The following TRPM3 variants were observed in gnomAD, a reference collection of about 807,000 sequenced individuals.
TRPM3 encodes the protein long transient receptor potential channel 3.
A neutral mutation model predicts 181.2 loss-of-function variants in TRPM3; 77 were observed. The ratio of observed to expected loss-of-function variants is 0.42; its 90% CI spans 0.35 to 0.51. TRPM3 has a LOEUF of 0.51. Ranked by LOEUF, TRPM3 falls within the 20% of genes least tolerant of loss-of-function variation. TRPM3 has a pLI of 0.01. For missense variants in TRPM3, 1,759 were observed against 2,196.7 expected, an observed-to-expected ratio of 0.80 and a Z score of 3.98; for synonymous variants, 745 against 796.4, an observed-to-expected ratio of 0.94 and a Z score of 1.09.
chr9:71,222,940 G>T (rs1212046456), intron 1 of TRPM3, among the ~76,000 whole-genome samples: 5 of 152,130 alleles, frequency 3.3e-5, no homozygotes, highest in Non-Finnish European at 7.4e-5. Flanking sequence ...GTGCTCTGGG[G>T]CTCCAAATAA....
chr9:70,579,955 C>G lies in TRPM3; in HGVS notation c.3223+11076G>C, dbSNP rs116093767. On this transcript the variant is annotated intron_variant, in intron 22 of 25. Transcript: ENST00000677713. ...ACGCATGCTGAGCCATCAGCTTCCA[C>G]GTCACCTGCCCCCATTTCAACGCCC... Among the ~76,000 whole-genome samples, 630 of 152,344 alleles carry G rather than the reference C, an allele frequency of 4.1e-3. 3 individuals carry two copies. Among genetic ancestry groups the G allele is most frequent in the African/African-American group, 0.014 (593 of 41,574 alleles).
chr9:71,267,062 T>C (rs113371235), intron 1 of TRPM3, among the ~76,000 whole-genome samples: 4 of 152,150 alleles, frequency 2.6e-5, no homozygotes, highest in African/African-American at 9.7e-5. Context: ...TAGTCATCTA[T>C]GGCAAATTCA....
intron 1 of TRPM3, among the ~76,000 whole-genome samples, chr9:70,945,007 T>C (rs2096919287): frequency 6.6e-6 from 1 of 152,204 alleles, no homozygotes; most frequent in South Asian, 2.1e-4. Context: ...AGTGCTGTCA[T>C]TCTTTGAGCC....
chr9:70,750,502 G>A (rs1437475492), intron 8 of TRPM3, among the ~76,000 whole-genome samples: 1 of 152,176 alleles, frequency 6.6e-6, no homozygotes. Context: ...TAGCTTGGAG[G>A]ACAGACAACA....
intron 1 of TRPM3, among the ~76,000 whole-genome samples, chr9:71,099,708 T>C (rs931896151): frequency 1.2e-4 from 18 of 152,192 alleles, no homozygotes; most frequent in African/African-American, 4.3e-4. Context: ...CTGAGATCCA[T>C]TCTATACTTG....
In TRPM3 at chr9:71,330,112, C is replaced by A. The variant is rs142600666; in HGVS notation, c.183+116541G>T. Among the ~76,000 whole-genome samples, 18 of 151,926 alleles carry A rather than the reference C, an allele frequency of 1.2e-4. No homozygotes were observed. In the South Asian group the frequency reaches 2.3e-3, roughly 19 times the overall value. On this transcript the variant is annotated intron_variant, in intron 1 of 24. Coordinates refer to the TRPM3 transcript ENST00000357533. The stretch of plus-strand genomic sequence containing the variant: ...CAGCATAGCACCCCAAAAATGTATT[C>A]CTTAGGCACAGTCCTGCTGTATCCT...
At chr9:70,593,901 G>A (rs2058552139) in intron 21 of TRPM3, among the ~76,000 whole-genome samples, 1 of 146,286 alleles carries the variant, frequency 6.8e-6, no homozygotes, top group Admixed American at 6.9e-5. Flanking sequence ...TATATAATAT[G>A]CATTGTATAA....
intron 1 of TRPM3, among the ~76,000 whole-genome samples, chr9:71,384,817 G>C (rs1001185557): frequency 1.3e-5 from 2 of 152,108 alleles, no homozygotes; most frequent in African/African-American, 4.8e-5. Flanking sequence ...ACTTTAGATT[G>C]TACAGGCACT....
intron 1 of TRPM3, among the ~76,000 whole-genome samples, chr9:71,129,127 C>CA (rs373945447): frequency 1.3e-5 from 2 of 152,116 alleles, no homozygotes; most frequent in African/African-American, 2.4e-5. Flanking sequence ...GACAGCCTTC[C>CA]AAAAAATGCA....
At chr9:70,872,536 A>C (rs898983535) in intron 1 of TRPM3, among the ~76,000 whole-genome samples, 3 of 151,918 alleles carry the variant, frequency 2.0e-5, no homozygotes, top group Non-Finnish European at 4.4e-5. Flanking sequence ...CCTATCTAAA[A>C]GCACACCGTG....
intron 1 of TRPM3, among the ~76,000 whole-genome samples, chr9:70,983,638 A>C (rs544015412): frequency 1.2e-3 from 187 of 152,312 alleles, no homozygotes; most frequent in Middle Eastern, 3.4e-3. Context: ...ACCATAAAAA[A>C]CAGAAAGGCT....
At chr9:70,740,403 G>T (rs368468512) in intron 8 of TRPM3, among the ~76,000 whole-genome samples, 56 of 152,128 alleles carry the variant, frequency 3.7e-4, no homozygotes, top group African/African-American at 1.3e-3. Context: ...GCCAAAAGCA[G>T]TCTAAAGCAG....
intron 1 of TRPM3, among the ~76,000 whole-genome samples, chr9:71,445,179 C>T (rs1032526272): frequency 2.0e-5 from 3 of 152,194 alleles, no homozygotes; most frequent in Non-Finnish European, 4.4e-5. Context: ...CTGATATAGA[C>T]TGTGCACACA....
chr9:70,828,503 C>G (rs2093689853), intron 5 of TRPM3, among the ~76,000 whole-genome samples: 2 of 148,550 alleles, frequency 1.3e-5, no homozygotes, highest in African/African-American at 4.8e-5. Flanking sequence ...ATTTGAAGGT[C>G]TCTTATTTAA....
chr9:71,007,071 A>G (rs948433354), intron 1 of TRPM3, among the ~76,000 whole-genome samples: 3 of 141,126 alleles, frequency 2.1e-5, no homozygotes, highest in Non-Finnish European at 3.1e-5. Context: ...AAAGAAAGAA[A>G]AAAAAGACTA....
rs1392874638 is a variant in TRPM3, at chr9:70,864,327, TATTTA to T, written c.257+100_257+104del. ...AGATGTCCAGAAACAATATAAAAGA[TATTTA>T]ATTTGACAGTGTTTCCCTTGTAACA... On this transcript the variant is annotated intron_variant, in intron 2 of 25. Transcript: ENST00000677713. 50 of 713,182 alleles carry T rather than the reference TATTTA, an allele frequency of 7.0e-5. No homozygotes were observed. The African/African-American group carries it at 8.7e-4, about 12-fold the overall frequency. The allele number at this position is 713,182 out of a possible 1,614,324, so 44.2% of individuals were successfully genotyped here.
At chr9:70,634,670 A>T (rs2066551200) in intron 12 of TRPM3, among the ~76,000 whole-genome samples, 1 of 152,160 alleles carries the variant, frequency 6.6e-6, no homozygotes, top group East Asian at 1.9e-4. Context: ...ATACCTACCA[A>T]CATTTTTTTC....
chr9:71,239,795 G>C (rs1055659224), intron 1 of TRPM3, among the ~76,000 whole-genome samples: 1 of 152,004 alleles, frequency 6.6e-6, no homozygotes, highest in Non-Finnish European at 1.5e-5. Context: ...AATTAAATAG[G>C]AATGCGGAAA....
intron 1 of TRPM3, among the ~76,000 whole-genome samples, chr9:71,203,990 G>A (rs1263602011): frequency 1.3e-5 from 2 of 152,022 alleles, no homozygotes; most frequent in African/African-American, 2.4e-5. Flanking sequence ...AAATGGTGCT[G>A]GGAAAACTGG....
Sources: gnomAD v4.1 joint callset for allele counts (sites outside exome capture counted in the v4.1 genomes callset) on GRCh38, gnomAD v4.1.1 for gene constraint, MANE v1.5 for transcripts, NCBI Gene and HGNC (gene_info 2026-07-23, HGNC 2026-07-21) for gene names.